Variants in HSPG2 observed in about 807,000 individuals in gnomAD.
HSPG2 encodes the protein heparan sulfate proteoglycan 2, also known as basement membrane-specific heparan sulfate proteoglycan core protein.
In HSPG2, 278 loss-of-function variants were observed where a neutral mutation model predicts 526.6. The observed-to-expected ratio is 0.53, with a 90% CI of 0.48 to 0.58. The LOEUF is 0.58. Among genes scored for constraint, HSPG2 ranks in the 20% least tolerant of loss-of-function variants. HSPG2 has a pLI of 0.00. For missense variants in HSPG2, 5,354 were observed against 6,099.5 expected (o/e 0.88, Z 4.07); for synonymous variants, 2,465 against 2,555.4 (o/e 0.96, Z 1.07).
In HSPG2 at chr1:21,898,565, G is replaced by A. The variant is rs559617157; in HGVS notation, c.64-2255C>T. On this transcript the variant is annotated intron_variant, in intron 1 of 96. Coordinates refer to ENST00000374695, the MANE Select transcript of HSPG2 (RefSeq NM_005529.7). This position sits in a 1 kb window ranked among gnomAD's most constrained non-coding sequence, Gnocchi z 4.0. ...TGGTCTTAGTTGTGCATGTCCAGGGGATTCCCACAGTCCCTGGTTAGAACC... is the reference window on the plus strand; with the variant it reads ...TGGTCTTAGTTGTGCATGTCCAGGGAATTCCCACAGTCCCTGGTTAGAACC... 5.3e-5 allele frequency among the ~76,000 whole-genome samples: 8 copies of A among 152,222 alleles called. No homozygotes were observed. Among genetic ancestry groups the A allele is most frequent in the Admixed American group, 2.6e-4 (4 of 15,290 alleles).
chr1:21,865,363 G>A lies in HSPG2; in HGVS notation c.4317C>T (p.Gly1439=), dbSNP rs550171564. 6 of 1,614,020 alleles carry A rather than the reference G, an allele frequency of 3.7e-6. No individual in the cohort carries two copies. In the South Asian group the frequency reaches 4.4e-5, roughly 12 times the overall value. Residue 1439 remains glycine, a splice_region_variant and synonymous_variant, in exon 35 of 97, where the codon GGC becomes GGT. Transcript: ENST00000374695. The surrounding 1 kb of genome is among the most constrained non-coding windows in gnomAD (Gnocchi z 5.4). Reference sequence around the variant, plus strand: ...GGGAGGCCACTAGCATGATGTTGTTGCCCTGGAAAGACACCAGCAGGATTG... The same window carrying A: ...GGGAGGCCACTAGCATGATGTTGTTACCCTGGAAAGACACCAGCAGGATTG... ...PLSDPDVQIT[G]NNIMLVASQP...
At chr1:21,856,576 C>T (rs1408097784) in intron 44 of HSPG2, among the ~76,000 whole-genome samples, 1 of 150,220 alleles carries the variant, frequency 6.7e-6, no homozygotes, top group Non-Finnish European at 1.5e-5. Flanking sequence ...TGCCACCACA[C>T]CCAGCTAGTT....
In HSPG2 at chr1:21,872,135, G is replaced by T; in HGVS notation, c.4221+51C>A. On this transcript the variant is annotated intron_variant, in intron 33 of 96. Coordinates refer to ENST00000374695, the MANE Select transcript of HSPG2 (RefSeq NM_005529.7). The surrounding 1 kb of genome is among the most constrained non-coding windows in gnomAD (Gnocchi z 5.5). ...CTGCCTGCTGAGAGACGGCGCAGAG[G>T]TGAACTCATGTCTGAGTCACGGCTG... The T allele has an allele frequency of 6.5e-7, 1 of 1,535,440 alleles. No homozygotes were observed. Among genetic ancestry groups the T allele is most frequent in the South Asian group, 1.2e-5 (1 of 83,678 alleles).
chr1:21,929,269 C>T (rs1644287044), intron 1 of HSPG2, among the ~76,000 whole-genome samples: 1 of 152,200 alleles, frequency 6.6e-6, no homozygotes. Flanking sequence ...TCCGCCTACA[C>T]CATAAGCCAA....
intron 1 of HSPG2, among the ~76,000 whole-genome samples, chr1:21,932,050 C>A (rs1304991848): frequency 6.6e-6 from 1 of 152,070 alleles, no homozygotes; most frequent in Non-Finnish European, 1.5e-5. Context: ...ATTAACAAAC[C>A]TAAAAATGAC....
At position 21,857,209 on chromosome 1, in the gene HSPG2, C is replaced by A; in HGVS notation, c.5395-14G>T. ...ATAGGCTGGGGACTGCAGGGCAAGG[C>A]GAAAGGGGGTCATGGGTGGGGCTCA... On this transcript the variant is annotated splice_polypyrimidine_tract_variant and intron_variant, in intron 43 of 96. Coordinates refer to ENST00000374695, the MANE Select transcript of HSPG2 (RefSeq NM_005529.7). 6.2e-7 allele frequency: 1 copy of A among 1,614,010 alleles called. No homozygotes were observed.
At position 21,860,721 on chromosome 1, in the gene HSPG2, A is replaced by G. The variant is rs1639723034; in HGVS notation, c.4956-486T>C. Among the ~76,000 whole-genome samples, 3 of 152,076 alleles carry G rather than the reference A, an allele frequency of 2.0e-5. No homozygotes were observed. The South Asian group carries it at 6.2e-4, about 32-fold the overall frequency. On this transcript the variant is annotated intron_variant, in intron 39 of 96. Transcript: ENST00000374695. ...AGGATGGTCTCGATCTCCTGACCTC[A>G]TGATCCGCCCACCTCAGCCTCCCAA...
At chr1:21,934,964 T>C (rs899115271) in intron 1 of HSPG2, among the ~76,000 whole-genome samples, 3 of 149,964 alleles carry the variant, frequency 2.0e-5, no homozygotes, top group Non-Finnish European at 4.4e-5. Flanking sequence ...TGGAGTGCAA[T>C]GGTGTGGTCT....
In HSPG2 at chr1:21,874,463, C is replaced by T. The variant is rs759109711; in HGVS notation, c.3599G>A (p.Arg1200Gln). The stretch of plus-strand genomic sequence containing the variant: ...CAGCTGGCAGTCCTGTGGTGTCCCC[C>T]GCTGGGCGTCCCCGTAGTATCCTGG... ...CQPGYYGDAQRGTPQDCQLCP... is the reference protein window; with the variant it reads ...CQPGYYGDAQQGTPQDCQLCP... Residue 1200 changes from arginine (R) to glutamine (Q), a missense_variant, in exon 28 of 97, where the codon CGG becomes CAG. Physicochemically the swap from Arg to Gln is conservative, Grantham distance 43. Transcript: ENST00000374695. The T allele has an allele frequency of 7.4e-6, 12 of 1,612,286 alleles. No individual in the cohort carries two copies. The highest frequency in any genetic ancestry group is 1.1e-5 in the South Asian group (1 of 90,980).
At chr1:21,845,275 C>T (rs776926136) in intron 64 of HSPG2, among the ~76,000 whole-genome samples, 3 of 152,172 alleles carry the variant, frequency 2.0e-5, no homozygotes, top group Admixed American at 6.6e-5. Context: ...AAAACCTTAA[C>T]TACTTAGCCC....
rs930869157 is a variant in HSPG2 at position 21,875,923 on chromosome 1, G to T, written c.3123C>A (p.His1041Gln). ...CGGGGCTGGGCTCCTGGGCCACATG[G>T]TGCTCTAGGATGATGTTGTTACCTT... ...VLQGNNIILEHHVAQEPSPGQ... is the reference protein window; with the variant it reads ...VLQGNNIILEQHVAQEPSPGQ... The change falls in exon 24 of 97, where the codon CAC becomes CAA. Residue 1041 changes from histidine to glutamine, a missense_variant. His to Gln is a conservative substitution (Grantham distance 24). Transcript: ENST00000374695. 5 of 1,614,064 alleles carry T rather than the reference G, an allele frequency of 3.1e-6. No homozygotes were observed. The Admixed American group carries it at 6.7e-5, about 22-fold the overall frequency.
At position 21,848,428 on chromosome 1, in the gene HSPG2, G is replaced by A. The variant is rs1239174153; in HGVS notation, c.7737+215C>T. On this transcript the variant is annotated intron_variant, in intron 59 of 96. Transcript: ENST00000374695. This position sits in a 1 kb window ranked among gnomAD's most constrained non-coding sequence, Gnocchi z 4.9. ...CAGGCACAGGACATGGCCCGGAGCA[G>A]CTTTTCAGTGAGATTTGGTGCAGAA... 1.3e-5 allele frequency among the ~76,000 whole-genome samples: 2 copies of A among 152,178 alleles called. No homozygotes were observed. The highest frequency in any genetic ancestry group is 1.5e-5 in the Non-Finnish European group (1 of 68,008).
chr1:21,917,514 A>T (rs974627565), intron 1 of HSPG2, among the ~76,000 whole-genome samples: 3 of 152,176 alleles, frequency 2.0e-5, no homozygotes, highest in African/African-American at 7.2e-5. Context: ...ATGGGGATGG[A>T]ACAGTCCCAG....
intron 1 of HSPG2, among the ~76,000 whole-genome samples, chr1:21,927,536 C>T (rs1002088655): frequency 7.2e-5 from 11 of 152,158 alleles, no homozygotes; most frequent in Admixed American, 5.9e-4. Context: ...ATCCCCCACC[C>T]CCCCCACTGT....
Position 21,829,499 on chromosome 1 carries a change from G to A in HSPG2, c.11876C>T (p.Pro3959Leu). 6.2e-7 allele frequency: 1 copy of A among 1,613,248 alleles called. No individual in the cohort carries two copies. The change falls in exon 87 of 97, where the codon CCA becomes CTA. Residue 3959 changes from proline to leucine, a missense_variant. Transcript: ENST00000374695. ...CAGCAGGACCCCGTCAGGGGCGAGT[G>A]GCTTGAACTCCACGTCCAGGCGTAG... ...HELRLDVEFK[P>L]LAPDGVLLFS... is the part of the protein sequence containing the mutation.
Position 21,874,044 on chromosome 1 carries a change from G to A in HSPG2, c.3657-33C>T, listed in dbSNP as rs375867814. On this transcript the variant is annotated intron_variant, in intron 28 of 96. Coordinates refer to ENST00000374695, the MANE Select transcript of HSPG2 (RefSeq NM_005529.7). ...TGGGGGCAGATTTCTAGTCAGGAAC[G>A]CAGTGGCTCCTTCCTCTCCCCCGAT... The A allele has an allele frequency of 5.9e-5, 91 of 1,549,124 alleles. No homozygotes were observed. In the African/African-American group the frequency reaches 7.5e-4, roughly 13 times the overall value.
intron 28 of HSPG2, 61 bp from the exon 29 acceptor site, chr1:21,874,072 T>C (rs1640863582): frequency 5.0e-6 from 7 of 1,411,806 alleles, no homozygotes; most frequent in Non-Finnish European, 6.9e-6. Context: ...CCCCCGATCC[T>C]CCTTCAGGAC....
chr1:21,879,092 C>T lies in HSPG2; in HGVS notation c.2373G>A (p.Gln791=), dbSNP rs753736097. 4 of 1,614,140 alleles carry T rather than the reference C, an allele frequency of 2.5e-6. No individual in the cohort carries two copies. In the African/African-American group the frequency reaches 4.0e-5, roughly 16 times the overall value. ...LNCQHNTEGP[Q]CNKCKAGFFG... ...AGAAGCCAGCCTTGCACTTGTTGCA[C>T]TGTGGCCCCTCCGTGTTGTGCTGGC... is the stretch of plus-strand genomic sequence containing the variant. The change falls in exon 18 of 97, where the codon CAG becomes CAA. Residue 791 remains glutamine (Q), a synonymous_variant. Coordinates refer to ENST00000374695, the MANE Select transcript of HSPG2 (RefSeq NM_005529.7).
intron 29 of HSPG2, 56 bp from the exon 30 acceptor site, chr1:21,873,480 G>T: frequency 1.3e-6 from 2 of 1,560,810 alleles, no homozygotes; most frequent in Non-Finnish European, 1.8e-6. Context: ...AGAACCCCAG[G>T]GCTGGGCTGA....
Sources: allele counts gnomAD v4.1 joint callset (sites outside exome capture counted in the v4.1 genomes callset), GRCh38; gene constraint gnomAD v4.1.1; non-coding constraint Gnocchi (gnomAD v3.1); transcripts MANE v1.5; gene names NCBI Gene and HGNC (gene_info 2026-07-23, HGNC 2026-07-21).